Variants in PRDX6 observed in about 807,000 individuals in gnomAD.
PRDX6 encodes the protein peroxiredoxin-6.
In PRDX6, 13 loss-of-function variants were observed where a neutral mutation model predicts 20.0. The ratio of observed to expected loss-of-function variants is 0.65; its 90% CI spans 0.42 to 1.03. The LOEUF (loss-of-function observed/expected upper bound fraction) is 1.03. Among genes scored for constraint, PRDX6 ranks in the 50% least tolerant of loss-of-function variants. The pLI is 0.00. For missense variants in PRDX6, 203 were observed against 276.9 expected (o/e 0.73, Z 1.89); for synonymous variants, 85 against 100.8 (o/e 0.84, Z 0.94).
At position 173,487,746 on chromosome 1, in the gene PRDX6, T is replaced by C. The variant is rs1658923819; in HGVS notation, c.558T>C (p.Ser186=). The change falls in exon 5 of 5, where the codon AGT becomes AGC. Residue 186 remains serine, a synonymous_variant. Coordinates refer to ENST00000340385, the MANE Select transcript of PRDX6 (RefSeq NM_004905.3). ...ATGTCTTTCAATAGGATGGGGATAG[T>C]GTGATGGTCCTTCCAACCATCCCTG... ...ATPVDWKDGD[S]VMVLPTIPEE... The C allele has an allele frequency of 3.1e-6, 5 of 1,614,160 alleles. No homozygotes were observed. In the East Asian group the frequency reaches 6.7e-5, roughly 22 times the overall value.
intron 2 of PRDX6, among the ~76,000 whole-genome samples, chr1:173,484,120 A>G (rs1401983402): frequency 8.1e-6 from 1 of 123,896 alleles, no homozygotes; most frequent in African/African-American, 4.3e-5. Flanking sequence ...CTGTCTCAAA[A>G]AAAAAAAAAA....
intron 4 of PRDX6, among the ~76,000 whole-genome samples, chr1:173,486,915 T>A (rs1201766769): frequency 2.0e-5 from 3 of 152,220 alleles, no homozygotes; most frequent in Non-Finnish European, 4.4e-5. Context: ...TGCTACATTT[T>A]TAAAATAATG....
intron 2 of PRDX6, chr1:173,482,108 C>T (rs1019159453): frequency 2.0e-5 from 3 of 152,430 alleles, no homozygotes; most frequent in African/African-American, 7.2e-5. Context: ...AATCCAGGAG[C>T]CATTCTGAAT....
At chr1:173,478,444 C>T (rs1300945911) in intron 1 of PRDX6, among the ~76,000 whole-genome samples, 1 of 152,136 alleles carries the variant, frequency 6.6e-6, no homozygotes, top group Non-Finnish European at 1.5e-5. Flanking sequence ...CTGATGATAG[C>T]CAAATTGATG....
intron 2 of PRDX6, 94 bp from the exon 3 acceptor site, chr1:173,485,267 C>G: frequency 1.6e-6 from 2 of 1,265,354 alleles, no homozygotes; most frequent in Non-Finnish European, 2.2e-6. Context: ...ATTTGGTCCT[C>G]TTTCCTGTCT....
In PRDX6 at chr1:173,488,008, C is replaced by T; in HGVS notation, c.*145C>T. On this transcript the variant is annotated 3_prime_UTR_variant, in exon 5 of 5. Transcript: ENST00000340385. Reference sequence around the variant, plus strand: ...CCAATGGCTTATTAAATGAAAATGGCACTAAAAGTTTCTTGAGATTCTTTA... The same window carrying T: ...CCAATGGCTTATTAAATGAAAATGGTACTAAAAGTTTCTTGAGATTCTTTA... The T allele has an allele frequency of 1.0e-6, 1 of 959,042 alleles. No homozygotes were observed. Among genetic ancestry groups the T allele is most frequent in the Non-Finnish European group, 1.5e-6 (1 of 660,498 alleles). 59.4% of individuals were successfully genotyped at this position (959,042 alleles called of 1,614,324 possible).
chr1:173,481,759 T>G, intron 2 of PRDX6: 1 of 362,920 alleles, frequency 2.8e-6, no homozygotes, highest in South Asian at 3.6e-5. Context: ...CACCACATTC[T>G]AGCTGTTCCT....
At position 173,477,369 on chromosome 1, in the gene PRDX6, C is replaced by G. The variant is rs1277718306; in HGVS notation, c.-29C>G. 2 of 1,556,446 alleles carry G rather than the reference C, an allele frequency of 1.3e-6. No individual in the cohort carries two copies. The highest frequency in any genetic ancestry group is 2.8e-5 in the African/African-American group (2 of 71,866). ...CCAGAACCAACCGGTTGCTTGCTGT[C>G]CCAGCGGCGCCCCCTCATCACCGTC... On this transcript the variant is annotated 5_prime_UTR_variant, in exon 1 of 5. Coordinates refer to ENST00000340385, the MANE Select transcript of PRDX6 (RefSeq NM_004905.3).
At chr1:173,486,164 C>G in intron 3 of PRDX6, 91 bp from the exon 4 acceptor site, 1 of 1,183,586 alleles carries the variant, frequency 8.4e-7, no homozygotes, top group Non-Finnish European at 1.1e-6. Flanking sequence ...TTTTTATACC[C>G]TTGAACATTA....
At chr1:173,487,182 G>A (rs1488306383) in intron 4 of PRDX6, among the ~76,000 whole-genome samples, 1 of 152,176 alleles carries the variant, frequency 6.6e-6, no homozygotes, top group East Asian at 1.9e-4. Flanking sequence ...CACAGATGGG[G>A]AGAATAACAG....
intron 3 of PRDX6, among the ~76,000 whole-genome samples, 196 bp downstream of exon 3, chr1:173,485,703 C>G (rs1658884116): frequency 6.6e-6 from 1 of 152,128 alleles, no homozygotes; most frequent in Non-Finnish European, 1.5e-5. Flanking sequence ...ATTCATAGTT[C>G]ATGGAAATCT....
chr1:173,485,302 T>TG, intron 2 of PRDX6, 59 bp from the exon 3 acceptor site: 2 of 1,461,140 alleles, frequency 1.4e-6, no homozygotes, highest in East Asian at 4.9e-5. Flanking sequence ...TGTTAACTGA[T>TG]GAAATTCAGA....
chr1:173,487,702 T>C lies in PRDX6; in HGVS notation c.547-33T>C, dbSNP rs1434617520. On this transcript the variant is annotated intron_variant, in intron 4 of 4. Coordinates refer to ENST00000340385, the MANE Select transcript of PRDX6 (RefSeq NM_004905.3). ...AAGGCCTTGAAGCTTCACTATGAGA[T>C]TGAATTTCACCATTCTCAATGTCTT... is the stretch of plus-strand genomic sequence containing the variant. The C allele has an allele frequency of 1.2e-5, 19 of 1,611,610 alleles. No individual in the cohort carries two copies. The East Asian group carries it at 3.3e-4, about 28-fold the overall frequency.
chr1:173,486,240 C>G lies in PRDX6; in HGVS notation c.400-15C>G. 6 of 1,586,034 alleles carry G rather than the reference C, an allele frequency of 3.8e-6. No homozygotes were observed. Among genetic ancestry groups the G allele is most frequent in the Non-Finnish European group, 4.3e-6 (5 of 1,168,652 alleles). ...CAAAGAACTCTTCCTATTTATGCCCCTCTGTGCTTTACAGGTGTTTGTTTT... is the reference window on the plus strand; with the variant it reads ...CAAAGAACTCTTCCTATTTATGCCCGTCTGTGCTTTACAGGTGTTTGTTTT... On this transcript the variant is annotated splice_polypyrimidine_tract_variant and intron_variant, in intron 3 of 4. Coordinates refer to ENST00000340385, the MANE Select transcript of PRDX6 (RefSeq NM_004905.3).
rs1412940715 is a variant in PRDX6 at position 173,485,439 on chromosome 1, G to A, written c.331G>A (p.Ala111Thr). 1 of 1,610,996 alleles carries A rather than the reference G, an allele frequency of 6.2e-7. No individual in the cohort carries two copies. Among genetic ancestry groups the A allele is most frequent in the Non-Finnish European group, 8.5e-7 (1 of 1,178,634 alleles). ...CATCGATGATAGGAATCGGGAGCTT[G>A]CCATCCTGTTGGGCATGCTGGATCC... Reference protein sequence around the residue: ...PIIDDRNRELAILLGMLDPAE... With the variant: ...PIIDDRNRELTILLGMLDPAE... Residue 111 changes from alanine (A) to threonine (T), a missense_variant, in exon 3 of 5, where the codon GCC (alanine) becomes ACC (threonine). Transcript: ENST00000340385.
intron 2 of PRDX6, among the ~76,000 whole-genome samples, chr1:173,482,841 G>A (rs993990442): frequency 8.5e-5 from 13 of 152,180 alleles, no homozygotes; most frequent in Non-Finnish European, 1.6e-4. Flanking sequence ...CTCAGTGAGT[G>A]GTAACTGTAG....
Position 173,477,511 on chromosome 1 carries a change from G to C in PRDX6, c.95+19G>C. The C allele has an allele frequency of 6.3e-7, 1 of 1,584,610 alleles. No individual in the cohort carries two copies. Among genetic ancestry groups the C allele is most frequent in the Non-Finnish European group, 8.6e-7 (1 of 1,162,414 alleles). ...GAGACTCGTAAGTGGCCACCGCGTA[G>C]CCCTGTCCTGGCCTCGGTTGCGCCG... On this transcript the variant is annotated intron_variant, in intron 1 of 4. Coordinates refer to ENST00000340385, the MANE Select transcript of PRDX6 (RefSeq NM_004905.3).
chr1:173,484,144 A>G (rs1658854943), intron 2 of PRDX6, among the ~76,000 whole-genome samples: 1 of 117,696 alleles, frequency 8.5e-6, no homozygotes. Context: ...AAAATTAGAT[A>G]TATATATTTA....
Position 173,488,004 on chromosome 1 carries a change from A to G in PRDX6, c.*141A>G. On this transcript the variant is annotated 3_prime_UTR_variant, in exon 5 of 5. Transcript: ENST00000340385. ...TATACCAATGGCTTATTAAATGAAA[A>G]TGGCACTAAAAGTTTCTTGAGATTC... The G allele has an allele frequency of 1.0e-6, 1 of 1,003,050 alleles. No homozygotes were observed. Among genetic ancestry groups the G allele is most frequent in the Non-Finnish European group, 1.4e-6 (1 of 698,976 alleles). 62.1% of individuals were successfully genotyped at this position (1,003,050 alleles called of 1,614,324 possible).
Sources: gnomAD v4.1 joint callset for allele counts (sites outside exome capture counted in the v4.1 genomes callset) on GRCh38, gnomAD v4.1.1 for gene constraint, MANE v1.5 for transcripts, NCBI Gene and HGNC (gene_info 2026-07-23, HGNC 2026-07-21) for gene names.